Variants in ZC3H18 observed in about 807,000 individuals in gnomAD.
The protein encoded by ZC3H18 is zinc finger CCCH domain-containing protein 18.
ZC3H18 carries 8 observed loss-of-function variants against 106.1 expected under a neutral mutation model. That is an observed-to-expected ratio of 0.08 (90% CI 0.04 to 0.14). The LOEUF (loss-of-function observed/expected upper bound fraction) is 0.14. Ranked by LOEUF, ZC3H18 falls within the 10% of genes least tolerant of loss-of-function variation. The probability of loss-of-function intolerance (pLI) is 1.00; values close to 1 mark genes in which losing one functional copy is unlikely to be tolerated. For missense variants in ZC3H18, 1,318 were observed against 1,278.4 expected (o/e 1.03, Z -0.47); for synonymous variants, 635 against 522.1 (o/e 1.22, Z -2.95).
intron 3 of ZC3H18, among the ~76,000 whole-genome samples, chr16:88,595,480 T>TCC (rs1904384312): frequency 1.3e-5 from 2 of 149,566 alleles, no homozygotes; most frequent in African/African-American, 4.9e-5. Context: ...CTTTCTTTTT[T>TCC]TTTTTTTTTT....
intron 3 of ZC3H18, among the ~76,000 whole-genome samples, chr16:88,593,386 T>G (rs1195188604): frequency 6.6e-6 from 1 of 152,222 alleles, no homozygotes; most frequent in Non-Finnish European, 1.5e-5. Flanking sequence ...AAAGGGATGA[T>G]TCGTGTCCCA....
In ZC3H18 at chr16:88,624,050, C is replaced by CCCACCACAGGCCACCAAAACCACTGCT; in HGVS notation, c.1887_1888insCACCACAGGCCACCAAAACCACTGCTC (p.Pro629_Gly630insHisHisArgProProLysProLeuLeu). The stretch of plus-strand genomic sequence containing the variant: ...ACCAAGGGAGAGCCGGCCCCGCCGC[C>CCCACCACAGGCCACCAAAACCACTGCT]CGGGAAAGCAGGGTGAGTGCCCAGC... On this transcript the variant is annotated inframe_insertion, in exon 11 of 18. Coordinates refer to ENST00000301011, the MANE Select transcript of ZC3H18 (RefSeq NM_144604.4). The CCCACCACAGGCCACCAAAACCACTGCT allele has an allele frequency of 1.9e-6, 3 of 1,613,332 alleles. No individual in the cohort carries two copies. Among genetic ancestry groups the CCCACCACAGGCCACCAAAACCACTGCT allele is most frequent in the South Asian group, 2.2e-5 (2 of 90,936 alleles).
chr16:88,577,444 C>G lies in ZC3H18; in HGVS notation c.321C>G (p.Asp107Glu). 3 of 1,609,474 alleles carry G rather than the reference C, an allele frequency of 1.9e-6. No individual in the cohort carries two copies. The highest frequency in any genetic ancestry group is 1.7e-4 in the Middle Eastern group (1 of 6,038). Reference protein sequence around the residue: ...CEEEGDEGEEDRTSDLRDEAS... With the variant: ...CEEEGDEGEEERTSDLRDEAS... ...AGGAGGGGGACGAAGGGGAGGAAGA[C>G]CGGACAAGCGACCTTAGGGATGAGG... Residue 107 changes from aspartate to glutamate, a missense_variant, in exon 2 of 18, where the codon GAC becomes GAG. Around this residue, in one of 6 missense-constraint regions of ZC3H18, gnomAD observed 346 missense variants for 269.0 expected, o/e 1.29. Transcript: ENST00000301011.
Position 88,628,663 on chromosome 16 carries a change from G to A in ZC3H18, c.2470-95G>A, listed in dbSNP as rs117451609. The A allele has an allele frequency of 8.0e-3, 10,565 of 1,326,032 alleles. 77 individuals are homozygous for A. Among genetic ancestry groups the A allele is most frequent in the Middle Eastern group, 0.021 (108 of 5,106 alleles). The allele number at this position is 1,326,032 out of a possible 1,614,324, so 82.1% of individuals were successfully genotyped here. Reference sequence around the variant, plus strand: ...GTGTGGTGGGACCTTTGGGAGCAGAGCAGGTTGCTGGCAAGGAACCCATGT... The same window carrying A: ...GTGTGGTGGGACCTTTGGGAGCAGAACAGGTTGCTGGCAAGGAACCCATGT... On this transcript the variant is annotated intron_variant, in intron 15 of 17. Coordinates refer to ENST00000301011, the MANE Select transcript of ZC3H18 (RefSeq NM_144604.4).
chr16:88,605,612 G>C (rs567795399), intron 6 of ZC3H18, among the ~76,000 whole-genome samples: 1 of 152,366 alleles, frequency 6.6e-6, no homozygotes, highest in Middle Eastern at 3.4e-3. Context: ...TTGTGCAAAT[G>C]CAAGTTGCAT....
At position 88,622,612 on chromosome 16, in the gene ZC3H18, C is replaced by G. The variant is rs140341096; in HGVS notation, c.1667+224C>G. ...GTGACCCCAAATGGGGCACAGACCC[C>G]GGCGACTGAGCCTGACTGCTCCCAG... On this transcript the variant is annotated intron_variant, in intron 9 of 17. Transcript: ENST00000301011. 4 of 538,724 alleles carry G rather than the reference C, an allele frequency of 7.4e-6. No individual in the cohort carries two copies. In the African/African-American group the frequency reaches 7.7e-5, roughly 10 times the overall value. 33.4% of individuals were successfully genotyped at this position (538,724 alleles called of 1,614,324 possible).
chr16:88,601,092 C>T (rs912717947), intron 6 of ZC3H18, among the ~76,000 whole-genome samples: 1 of 152,262 alleles, frequency 6.6e-6, no homozygotes, highest in African/African-American at 2.4e-5. Flanking sequence ...GAGCAGGCTA[C>T]CCTGGGCTTT....
At chr16:88,598,973 C>CT in intron 5 of ZC3H18, among the ~76,000 whole-genome samples, 1 of 152,326 alleles carries the variant, frequency 6.6e-6, no homozygotes, top group East Asian at 1.9e-4. Flanking sequence ...GATTCTCCTG[C>CT]TCGGCCTCCC....
Position 88,577,534 on chromosome 16 carries a change from G to A in ZC3H18, c.411G>A (p.Glu137=). 5.6e-6 allele frequency: 9 copies of A among 1,613,340 alleles called. No homozygotes were observed. Among genetic ancestry groups the A allele is most frequent in the Non-Finnish European group, 7.6e-6 (9 of 1,179,906 alleles). ...ACTACGATGAGGAGGTTCCTGAGGA[G>A]CCAGCTCCCGCCGTCCAGGAGGACG... ...ELDYDEEVPE[E]PAPAVQEDEA... Residue 137 remains glutamate, a synonymous_variant, in exon 2 of 18, where the codon GAG becomes GAA. Coordinates refer to ENST00000301011, the MANE Select transcript of ZC3H18 (RefSeq NM_144604.4).
intron 8 of ZC3H18, among the ~76,000 whole-genome samples, chr16:88,613,181 A>C (rs1905367935): frequency 6.6e-6 from 1 of 152,208 alleles, no homozygotes; most frequent in African/African-American, 2.4e-5. Flanking sequence ...AGCGTTTTTA[A>C]CATTTGTCCA....
At chr16:88,578,682 G>T (rs1313695000) in intron 2 of ZC3H18, among the ~76,000 whole-genome samples, 1 of 151,980 alleles carries the variant, frequency 6.6e-6, no homozygotes, top group Non-Finnish European at 1.5e-5. Context: ...CCGCCGGTTT[G>T]CCTTGAATGC....
At position 88,577,239 on chromosome 16, in the gene ZC3H18, A is replaced by G; in HGVS notation, c.116A>G (p.Asp39Gly). ...GACAGCGGGTCCGATCAGGATTTGG[A>G]CGGGGCGGGGGTGAGGGCTTCTGAT... The part of the protein sequence containing the change: ...LRDSGSDQDL[D>G]GAGVRASDLE... Residue 39 changes from aspartate to glycine, a missense_variant, in exon 2 of 18, where the codon GAC (aspartate) becomes GGC (glycine). Physicochemically the swap from Asp to Gly is moderately conservative, Grantham distance 94 (BLOSUM62 -1). This residue lies in a region of ZC3H18 where 346 missense variants were observed against 269.0 expected (regional missense o/e 1.29). Coordinates refer to ENST00000301011, the MANE Select transcript of ZC3H18 (RefSeq NM_144604.4). 6.2e-7 allele frequency: 1 copy of G among 1,612,538 alleles called. No homozygotes were observed. Among genetic ancestry groups the G allele is most frequent in the Non-Finnish European group, 8.5e-7 (1 of 1,179,546 alleles).
intron 16 of ZC3H18, 121 bp downstream of exon 16, chr16:88,628,975 T>TCATC: frequency 3.5e-6 from 3 of 845,366 alleles, no homozygotes; most frequent in Non-Finnish European, 5.7e-6. Flanking sequence ...AACATCTGAC[T>TCATC]TGCAGATGAT....
chr16:88,599,655 C>T (rs1192426980), intron 5 of ZC3H18, 136 bp from the exon 6 acceptor site: 1 of 1,054,396 alleles, frequency 9.5e-7, no homozygotes, highest in African/African-American at 1.6e-5. Flanking sequence ...CGCCCCTCAC[C>T]CCTTGAGCAC....
intron 8 of ZC3H18, among the ~76,000 whole-genome samples, chr16:88,615,550 A>G (rs1905545157): frequency 6.6e-6 from 1 of 152,220 alleles, no homozygotes; most frequent in African/African-American, 2.4e-5. Flanking sequence ...TGATTGTTAC[A>G]GGGTTGCTAA....
rs1197422476 is a variant in ZC3H18 at position 88,630,466 on chromosome 16, C to T, written c.2567-19C>T. 5 of 1,607,380 alleles carry T rather than the reference C, an allele frequency of 3.1e-6. No homozygotes were observed. The highest frequency in any genetic ancestry group is 4.3e-6 in the Non-Finnish European group (5 of 1,176,152). On this transcript the variant is annotated intron_variant, in intron 16 of 17. Coordinates refer to ENST00000301011, the MANE Select transcript of ZC3H18 (RefSeq NM_144604.4). Reference sequence around the variant, plus strand: ...CCTGTACATCAGGAGGGTGGTCTCACTCTGTACCTATCACCCAGGTTCTCG... The same window carrying T: ...CCTGTACATCAGGAGGGTGGTCTCATTCTGTACCTATCACCCAGGTTCTCG...
intron 1 of ZC3H18, among the ~76,000 whole-genome samples, chr16:88,574,255 G>A (rs1377489852): frequency 6.6e-6 from 1 of 151,990 alleles, no homozygotes; most frequent in Non-Finnish European, 1.5e-5. Context: ...CACCACCTAG[G>A]CTGGAGTGCA....
At position 88,627,697 on chromosome 16, in the gene ZC3H18, G is replaced by A. The variant is rs139485348; in HGVS notation, c.2184G>A (p.Ser728=). 208 of 1,613,788 alleles carry A rather than the reference G, an allele frequency of 1.3e-4. No homozygotes were observed. Among genetic ancestry groups the A allele is most frequent in the African/African-American group, 2.0e-4 (15 of 75,036 alleles). The change falls in exon 14 of 18, where the codon TCG becomes TCA. Residue 728 remains serine, a synonymous_variant. Transcript: ENST00000301011. The surrounding 1 kb of genome is among the most constrained non-coding windows in gnomAD (Gnocchi z 4.5). ...GCAGCTCTGCACACAGCGTGGACTC[G>A]GAGGACATGTACGCAGACCTGGCTA... ...SSSSSAHSVD[S]EDMYADLASP... is the part of the protein sequence containing the mutation.
At chr16:88,578,894 G>A (rs1181255810) in intron 2 of ZC3H18, among the ~76,000 whole-genome samples, 2 of 152,148 alleles carry the variant, frequency 1.3e-5, no homozygotes, top group Non-Finnish European at 2.9e-5. Flanking sequence ...CGCCCTGTTG[G>A]CCAGGCTTGT....
Sources: allele counts gnomAD v4.1 joint callset (sites outside exome capture counted in the v4.1 genomes callset), GRCh38; gene constraint gnomAD v4.1.1; regional missense constraint gnomAD v4.1.1; non-coding constraint Gnocchi (gnomAD v3.1); transcripts MANE v1.5; gene names NCBI Gene and HGNC (gene_info 2026-07-23, HGNC 2026-07-21).